Variants in SLC8A3 observed in about 807,000 individuals in gnomAD.
The protein encoded by SLC8A3 is sodium/calcium exchanger 3.
In SLC8A3, 37 loss-of-function variants were observed where a neutral mutation model predicts 65.4. The ratio of observed to expected loss-of-function variants is 0.57; its 90% CI spans 0.44 to 0.74. The LOEUF is 0.74. Ranked by LOEUF, SLC8A3 falls within the 30% of genes least tolerant of loss-of-function variation. SLC8A3 has a pLI of 0.00. For synonymous variants in SLC8A3, 461 were observed against 444.5 expected, an observed-to-expected ratio of 1.04 and a Z score of -0.47; for missense variants, 1,112 against 1,172.1, an observed-to-expected ratio of 0.95 and a Z score of 0.75.
intron 2 of SLC8A3, among the ~76,000 whole-genome samples, chr14:70,164,159 T>C (rs1897039229): frequency 6.6e-6 from 1 of 152,192 alleles, no homozygotes; most frequent in Non-Finnish European, 1.5e-5. Flanking sequence ...AAGAGAGATA[T>C]TATTATCCCC....
At chr14:70,133,400 T>C (rs1894976885) in intron 2 of SLC8A3, among the ~76,000 whole-genome samples, 1 of 152,076 alleles carries the variant, frequency 6.6e-6, no homozygotes, top group Non-Finnish European at 1.5e-5. Flanking sequence ...TCCTTCACTG[T>C]CACCCAGAAA....
In SLC8A3 at chr14:70,082,785, G is replaced by A. The variant is rs541306698; in HGVS notation, c.1785-21846C>T. ...AACCAAAGGGAAAATGAAATTGAAG[G>A]AGGCCAAGGAATTATGGGCACAGAG... On this transcript the variant is annotated intron_variant, in intron 2 of 6. Transcript: ENST00000356921. 3.3e-5 allele frequency among the ~76,000 whole-genome samples: 5 copies of A among 152,324 alleles called. No homozygotes were observed. In the South Asian group the frequency reaches 1.0e-3, roughly 32 times the overall value.
At chr14:70,142,763 C>T (rs1035494037) in intron 2 of SLC8A3, among the ~76,000 whole-genome samples, 1 of 152,168 alleles carries the variant, frequency 6.6e-6, no homozygotes, top group African/African-American at 2.4e-5. Context: ...TATTCTTTCT[C>T]TTATTTTACT....
intron 2 of SLC8A3, among the ~76,000 whole-genome samples, chr14:70,074,510 G>T (rs1380059978): frequency 6.6e-6 from 1 of 152,186 alleles, no homozygotes; most frequent in East Asian, 1.9e-4. Flanking sequence ...AACATAGTAG[G>T]CAAACTACTT....
At chr14:70,182,163 G>C (rs1882806302) in intron 1 of SLC8A3, among the ~76,000 whole-genome samples, 1 of 152,166 alleles carries the variant, frequency 6.6e-6, no homozygotes, top group Non-Finnish European at 1.5e-5. Flanking sequence ...AGGGTGACTG[G>C]AAGTTTGTTG....
intron 2 of SLC8A3, among the ~76,000 whole-genome samples, chr14:70,112,226 G>A (rs943093640): frequency 6.6e-5 from 10 of 152,212 alleles, no homozygotes; most frequent in African/African-American, 2.4e-4. Context: ...AGGATCTAGA[G>A]CACAGGTGAA....
At chr14:70,152,578 A>C (rs1252977556) in intron 2 of SLC8A3, among the ~76,000 whole-genome samples, 1 of 151,964 alleles carries the variant, frequency 6.6e-6, no homozygotes, top group African/African-American at 2.4e-5. Context: ...TGGAAAGACC[A>C]AGGGATTTAG....
intron 2 of SLC8A3, among the ~76,000 whole-genome samples, chr14:70,153,925 C>G (rs4899329): frequency 6.6e-6 from 1 of 152,120 alleles, no homozygotes; most frequent in African/African-American, 2.4e-5. Context: ...CCCAGGCAGC[C>G]GGCCAAAGCA....
At chr14:70,135,980 T>C (rs1232932256) in intron 2 of SLC8A3, among the ~76,000 whole-genome samples, 1 of 152,226 alleles carries the variant, frequency 6.6e-6, no homozygotes, top group Non-Finnish European at 1.5e-5. Flanking sequence ...TCACACACTG[T>C]ACACATGTAT....
chr14:70,150,765 G>C (rs768723693), intron 2 of SLC8A3, among the ~76,000 whole-genome samples: 1 of 152,180 alleles, frequency 6.6e-6, no homozygotes, highest in Non-Finnish European at 1.5e-5. Context: ...TTAAGGCACC[G>C]AGGAACTCCA....
At chr14:70,174,674 T>G (rs1308385951) in intron 1 of SLC8A3, among the ~76,000 whole-genome samples, 28 of 135,854 alleles carry the variant, frequency 2.1e-4, no homozygotes, top group African/African-American at 4.6e-4. Flanking sequence ...TTTTTTTTTT[T>G]TTTTTTTTTT....
At chr14:70,182,838 A>C (rs1167814493) in intron 1 of SLC8A3, among the ~76,000 whole-genome samples, 1 of 152,136 alleles carries the variant, frequency 6.6e-6, no homozygotes, top group African/African-American at 2.4e-5. Flanking sequence ...GAAGAAAGAC[A>C]CTTCAGATAA....
intron 2 of SLC8A3, among the ~76,000 whole-genome samples, chr14:70,089,606 G>T (rs1370123282): frequency 2.6e-5 from 4 of 152,188 alleles, no homozygotes; most frequent in Non-Finnish European, 5.9e-5. Context: ...AGAATGACTA[G>T]ATATGAGGGA....
intron 2 of SLC8A3, among the ~76,000 whole-genome samples, chr14:70,152,881 G>C (rs956119431): frequency 2.6e-5 from 4 of 152,224 alleles, no homozygotes; most frequent in African/African-American, 9.7e-5. Context: ...GGCCCAGATA[G>C]GACATAATTA....
intron 1 of SLC8A3, among the ~76,000 whole-genome samples, chr14:70,188,028 A>G (rs900000224): frequency 2.0e-5 from 3 of 152,140 alleles, no homozygotes; most frequent in Middle Eastern, 6.8e-3. Flanking sequence ...CTCCCCAAAC[A>G]GCACCCGCTA....
intron 1 of SLC8A3, among the ~76,000 whole-genome samples, chr14:70,168,862 C>T (rs2140381235): frequency 6.6e-6 from 1 of 152,298 alleles, no homozygotes; most frequent in South Asian, 2.1e-4. Context: ...GTTCGGACTT[C>T]CTTACCCTGT....
intron 2 of SLC8A3, among the ~76,000 whole-genome samples, chr14:70,122,622 G>T (rs1251495346): frequency 2.0e-5 from 3 of 152,158 alleles, no homozygotes; most frequent in Non-Finnish European, 4.4e-5. Flanking sequence ...TTAGCCAAGG[G>T]CCTGGACCAT....
At chr14:70,050,829 G>C (rs1056262052) in intron 5 of SLC8A3, among the ~76,000 whole-genome samples, 179 bp downstream of exon 5, 1 of 152,176 alleles carries the variant, frequency 6.6e-6, no homozygotes, top group Non-Finnish European at 1.5e-5. Context: ...TGAAACCAGA[G>C]ATAACCATGT....
At chr14:70,173,171 C>T (rs973707367) in intron 1 of SLC8A3, among the ~76,000 whole-genome samples, 8 of 152,170 alleles carry the variant, frequency 5.3e-5, no homozygotes, top group African/African-American at 1.9e-4. Context: ...TGGTATGATT[C>T]GTCTTTCAGA....
Sources: gnomAD v4.1 joint callset for allele counts (sites outside exome capture counted in the v4.1 genomes callset) on GRCh38, gnomAD v4.1.1 for gene constraint, MANE v1.5 for transcripts, NCBI Gene and HGNC (gene_info 2026-07-23, HGNC 2026-07-21) for gene names.